The following YEATS2 variants were observed in gnomAD, a reference collection of about 807,000 sequenced individuals.
YEATS2 encodes YEATS domain-containing protein 2.
In YEATS2, 77 loss-of-function variants were observed where a neutral mutation model predicts 163.2. The observed-to-expected ratio is 0.47, with a 90% CI of 0.39 to 0.57. The LOEUF is 0.57. Ranked by LOEUF, YEATS2 falls within the 20% of genes least tolerant of loss-of-function variation. The pLI is 0.00. For missense variants in YEATS2, 1,549 were observed against 1,729.8 expected (o/e 0.90, Z 1.85); for synonymous variants, 631 against 645.1 (o/e 0.98, Z 0.33).
intron 20 of YEATS2, among the ~76,000 whole-genome samples, chr3:183,790,056 A>G (rs938672270): frequency 3.3e-5 from 5 of 152,292 alleles, no homozygotes; most frequent in Admixed American, 3.3e-4. Context: ...TCTGCTTTGC[A>G]GCTTCTTGAA....
At chr3:183,708,780 C>A (rs1047349862) in intron 1 of YEATS2, among the ~76,000 whole-genome samples, 35 of 152,156 alleles carry the variant, frequency 2.3e-4, no homozygotes, top group African/African-American at 7.7e-4. Context: ...AGGAGGATCA[C>A]TTGAGCCCAG....
intron 11 of YEATS2, among the ~76,000 whole-genome samples, chr3:183,754,975 G>A (rs1720561280): frequency 6.6e-6 from 1 of 152,156 alleles, no homozygotes; most frequent in African/African-American, 2.4e-5. Flanking sequence ...AAGGCAATTG[G>A]AAATAACCAG....
chr3:183,809,965 A>G (rs1174029882), intron 30 of YEATS2: 2 of 154,186 alleles, frequency 1.3e-5, no homozygotes, highest in Non-Finnish European at 1.4e-5. Flanking sequence ...CCTGCTGCCC[A>G]CTGTCCTGCT....
At chr3:183,743,974 A>G (rs931058817) in intron 8 of YEATS2, among the ~76,000 whole-genome samples, 3 of 152,134 alleles carry the variant, frequency 2.0e-5, no homozygotes, top group Non-Finnish European at 2.9e-5. Context: ...TATTTTCCAA[A>G]GATTACCATA....
intron 15 of YEATS2, among the ~76,000 whole-genome samples, chr3:183,763,615 G>A (rs1321469977): frequency 1.3e-5 from 2 of 152,154 alleles, no homozygotes; most frequent in Non-Finnish European, 2.9e-5. Context: ...GAGCATTACA[G>A]CTAATAAATG....
chr3:183,783,627 C>T (rs1723785090), intron 19 of YEATS2, among the ~76,000 whole-genome samples: 1 of 152,206 alleles, frequency 6.6e-6, no homozygotes, highest in South Asian at 2.1e-4. Flanking sequence ...TTAGCTCCCA[C>T]TTGTAAGTGA....
At chr3:183,753,303 C>G (rs765759301) in intron 10 of YEATS2, among the ~76,000 whole-genome samples, 4 of 151,958 alleles carry the variant, frequency 2.6e-5, no homozygotes, top group Non-Finnish European at 5.9e-5. Flanking sequence ...TTAATGTTCC[C>G]ATATATAAGC....
rs538479475 is a variant in YEATS2 at position 183,752,003 on chromosome 3, T to C, written c.970-70T>C. 2.0e-4 allele frequency: 309 copies of C among 1,550,584 alleles called. 4 individuals are homozygous for C. In the South Asian group the frequency reaches 3.4e-3, roughly 17 times the overall value. On this transcript the variant is annotated intron_variant, in intron 9 of 30. Transcript: ENST00000305135. Reference sequence around the variant, plus strand: ...TCTCACATCCCGGAGATTACATTCTTGGACGGGACTTGAGCTTTCTGTGAC... The same window carrying C: ...TCTCACATCCCGGAGATTACATTCTCGGACGGGACTTGAGCTTTCTGTGAC...
chr3:183,790,143 C>T (rs1280115610), intron 20 of YEATS2, among the ~76,000 whole-genome samples: 1 of 152,238 alleles, frequency 6.6e-6, no homozygotes, highest in Non-Finnish European at 1.5e-5. Flanking sequence ...CTCTCCCTTT[C>T]TCTGTCTTAA....
In YEATS2 at chr3:183,776,038, G is replaced by C; in HGVS notation, c.2492G>C (p.Gly831Ala). The C allele has an allele frequency of 6.2e-7, 1 of 1,613,650 alleles. No homozygotes were observed. The highest frequency in any genetic ancestry group is 8.5e-7 in the Non-Finnish European group (1 of 1,179,858). ...GSTGGGGGTA[G>A]GGTQSTAGPG... is the part of the protein sequence containing the mutation. ...ACAGGAGGAGGAGGAGGAACAGCAGGAGGAGGAACTCAAAGTACTGCTGGC... is the reference window on the plus strand; with the variant it reads ...ACAGGAGGAGGAGGAGGAACAGCAGCAGGAGGAACTCAAAGTACTGCTGGC... Residue 831 changes from glycine (G) to alanine (A), a missense_variant, in exon 18 of 31, where the codon GGA becomes GCA. Coordinates refer to ENST00000305135, the MANE Select transcript of YEATS2 (RefSeq NM_018023.5).
chr3:183,805,645 C>G (rs976531675), intron 27 of YEATS2, among the ~76,000 whole-genome samples: 7 of 151,904 alleles, frequency 4.6e-5, no homozygotes, highest in Non-Finnish European at 7.4e-5. Context: ...AAAAATTAGC[C>G]GGGCATGGTG....
intron 9 of YEATS2, among the ~76,000 whole-genome samples, chr3:183,751,424 GC>G (rs1720154369): frequency 6.6e-6 from 1 of 152,114 alleles, no homozygotes; most frequent in African/African-American, 2.4e-5. Flanking sequence ...ATAATAATCA[GC>G]AATAGCCATT....
intron 4 of YEATS2, 81 bp from the exon 5 acceptor site, chr3:183,721,810 A>C (rs1716517569): frequency 7.8e-6 from 12 of 1,530,630 alleles, no homozygotes; most frequent in Non-Finnish European, 8.8e-6. Context: ...TGTAATAGAT[A>C]AGGTTTTGGA....
chr3:183,800,435 C>T lies in YEATS2; in HGVS notation c.3326-31C>T, dbSNP rs1725558783. On this transcript the variant is annotated intron_variant, in intron 23 of 30. Coordinates refer to ENST00000305135, the MANE Select transcript of YEATS2 (RefSeq NM_018023.5). ...GTGTCCTTCCACCACTGACCCCTAA[C>T]AGCTGCCTCTTTGTTGCTCTTCCCT... 7 of 1,562,452 alleles carry T rather than the reference C, an allele frequency of 4.5e-6. No homozygotes were observed. In the South Asian group the frequency reaches 4.5e-5, roughly 10 times the overall value.
chr3:183,799,917 C>T (rs1725507104), intron 23 of YEATS2, among the ~76,000 whole-genome samples: 1 of 149,692 alleles, frequency 6.7e-6, no homozygotes, highest in South Asian at 2.1e-4. Flanking sequence ...AATGCAACCT[C>T]TGCCTCCCAG....
At chr3:183,719,217 C>G (rs531549467) in intron 4 of YEATS2, among the ~76,000 whole-genome samples, 111 of 148,544 alleles carry the variant, frequency 7.5e-4, no homozygotes, top group African/African-American at 2.6e-3. Context: ...GGCTAGAGTG[C>G]AGTGGCCTCC....
chr3:183,767,377 G>A (rs974781322), intron 15 of YEATS2, among the ~76,000 whole-genome samples: 9 of 137,618 alleles, frequency 6.5e-5, no homozygotes, highest in Non-Finnish European at 1.1e-4. Flanking sequence ...ACACCACCAC[G>A]CCCAGCTAAT....
chr3:183,698,869 A>G (rs890326379), intron 1 of YEATS2, among the ~76,000 whole-genome samples: 2 of 152,190 alleles, frequency 1.3e-5, no homozygotes, highest in Non-Finnish European at 2.9e-5. Context: ...AAGCAAAGCC[A>G]GAGAAAAATG....
At chr3:183,770,215 C>T (rs1372691323) in intron 15 of YEATS2, among the ~76,000 whole-genome samples, 2 of 151,548 alleles carry the variant, frequency 1.3e-5, no homozygotes, top group Non-Finnish European at 2.9e-5. Context: ...GGTGAAACCC[C>T]GTTTCTACTA....
Sources: allele counts gnomAD v4.1 joint callset (sites outside exome capture counted in the v4.1 genomes callset), GRCh38; gene constraint gnomAD v4.1.1; transcripts MANE v1.5; gene names NCBI Gene and HGNC (gene_info 2026-07-23, HGNC 2026-07-21).